Variants in XPO6 observed in about 807,000 individuals in gnomAD.
XPO6 encodes exportin-6.
Under a neutral mutation model 130.0 loss-of-function variants are expected in XPO6, and 3 were observed. The ratio of observed to expected loss-of-function variants is 0.02; its 90% CI spans 0.01 to 0.06. The LOEUF (loss-of-function observed/expected upper bound fraction) is 0.06. Ranked by LOEUF, XPO6 falls within the 10% of genes least tolerant of loss-of-function variation. The pLI, the probability that XPO6 is intolerant of heterozygous loss-of-function variation, is 1.00. For missense variants in XPO6, 970 were observed against 1,393.0 expected (o/e 0.70, Z 4.83); for synonymous variants, 524 against 548.9 (o/e 0.95, Z 0.63).
At chr16:28,193,507 A>C (rs1176223711) in intron 1 of XPO6, among the ~76,000 whole-genome samples, 1 of 152,134 alleles carries the variant, frequency 6.6e-6, no homozygotes, top group East Asian at 1.9e-4. Flanking sequence ...ACAATATAAA[A>C]AACTATATTG....
chr16:28,113,063 G>A lies in XPO6; in HGVS notation c.2005-13C>T. 1 of 1,612,400 alleles carries A rather than the reference G, an allele frequency of 6.2e-7. No homozygotes were observed. Among genetic ancestry groups the A allele is most frequent in the Non-Finnish European group, 8.5e-7 (1 of 1,178,982 alleles). On this transcript the variant is annotated splice_polypyrimidine_tract_variant and intron_variant, in intron 15 of 23. Coordinates refer to ENST00000304658, the MANE Select transcript of XPO6 (RefSeq NM_015171.4). ...GCTTGTCTTGGACCTGCAGAGGGAA[G>A]AGGGCACGTCAGCTCACCACATCCC...
At chr16:28,137,310 A>C (rs575303112) in intron 9 of XPO6, among the ~76,000 whole-genome samples, 210 of 152,346 alleles carry the variant, frequency 1.4e-3, no homozygotes, top group Non-Finnish European at 2.3e-3. Context: ...TTGTACTTCT[A>C]GCCTTAGGGG....
At chr16:28,112,114 C>T (rs957964885) in intron 16 of XPO6, 108 bp from the exon 17 acceptor site, 6 of 1,322,306 alleles carry the variant, frequency 4.5e-6, no homozygotes, top group African/African-American at 4.4e-5. Flanking sequence ...GGAACCCTAG[C>T]CCCCAGGCTC....
chr16:28,133,737 G>T, intron 11 of XPO6, 104 bp downstream of exon 11: 1 of 965,034 alleles, frequency 1.0e-6, no homozygotes, highest in South Asian at 1.6e-5. Flanking sequence ...AAATTACATA[G>T]AGGGGAAAGA....
chr16:28,150,082 G>A (rs2043058802), intron 8 of XPO6, among the ~76,000 whole-genome samples: 1 of 152,162 alleles, frequency 6.6e-6, no homozygotes. Flanking sequence ...AGGGCTGTCT[G>A]CCCTGGTTTA....
intron 14 of XPO6, among the ~76,000 whole-genome samples, chr16:28,119,317 C>T (rs1436065342): frequency 6.6e-5 from 10 of 152,038 alleles, no homozygotes; most frequent in Non-Finnish European, 1.5e-4. Context: ...GTGTGTCCAG[C>T]CTAGACACCA....
intron 1 of XPO6, among the ~76,000 whole-genome samples, chr16:28,190,223 A>ATTTT (rs753474910): frequency 2.2e-5 from 3 of 136,126 alleles, no homozygotes; most frequent in African/African-American, 8.4e-5. Flanking sequence ...TTCTTTCTTT[A>ATTTT]TTTTTTTTTT....
At chr16:28,174,993 A>C (rs1178923854) in intron 4 of XPO6, among the ~76,000 whole-genome samples, 3 of 152,154 alleles carry the variant, frequency 2.0e-5, no homozygotes, top group African/African-American at 7.2e-5. Context: ...CTAATGTCTC[A>C]TTAGTTATTA....
rs530987329 is a variant in XPO6 at position 28,159,666 on chromosome 16, C to T, written c.644-3139G>A. Among the ~76,000 whole-genome samples, 9 of 152,282 alleles carry T rather than the reference C, an allele frequency of 5.9e-5. No individual in the cohort carries two copies. The South Asian group carries it at 1.0e-3, about 18-fold the overall frequency. On this transcript the variant is annotated intron_variant, in intron 6 of 23. Coordinates refer to ENST00000304658, the MANE Select transcript of XPO6 (RefSeq NM_015171.4). Reference sequence around the variant, plus strand: ...CAGACGTAGGAATTAAGAGGGTGCGCTAGCTAACTTTCCCATCTTTCACAA... The same window carrying T: ...CAGACGTAGGAATTAAGAGGGTGCGTTAGCTAACTTTCCCATCTTTCACAA...
At chr16:28,183,031 T>C (rs557706193) in intron 1 of XPO6, among the ~76,000 whole-genome samples, 1 of 152,354 alleles carries the variant, frequency 6.6e-6, no homozygotes, top group African/African-American at 2.4e-5. Context: ...CTGCAAATCA[T>C]ATCTCTCCAT....
intron 9 of XPO6, among the ~76,000 whole-genome samples, chr16:28,136,822 AGTTAAGG>A (rs1179702508): frequency 6.6e-6 from 1 of 152,216 alleles, no homozygotes; most frequent in Non-Finnish European, 1.5e-5. Flanking sequence ...TTCTAAGATA[AGTTAAGG>A]GACTGCTCCC....
chr16:28,109,544 C>T (rs904672276), intron 17 of XPO6, among the ~76,000 whole-genome samples: 16 of 152,034 alleles, frequency 1.1e-4, no homozygotes, highest in African/African-American at 2.2e-4. Flanking sequence ...AGAGGAAATG[C>T]GAACACGAAC....
intron 3 of XPO6, 67 bp downstream of exon 3, chr16:28,177,153 T>A: frequency 9.5e-7 from 1 of 1,053,570 alleles, no homozygotes. Context: ...TCTAGTCTAG[T>A]GCTAATGATA....
intron 9 of XPO6, among the ~76,000 whole-genome samples, chr16:28,143,293 C>G (rs2042927673): frequency 1.3e-5 from 2 of 152,170 alleles, no homozygotes; most frequent in Admixed American, 1.3e-4. Context: ...AGTCTAAAGG[C>G]AGTAACATCT....
At chr16:28,136,715 C>A (rs1355719107) in intron 9 of XPO6, among the ~76,000 whole-genome samples, 3 of 152,194 alleles carry the variant, frequency 2.0e-5, no homozygotes, top group African/African-American at 7.2e-5. Flanking sequence ...TCAGAAGATA[C>A]CAAGTTATAA....
intron 4 of XPO6, 38 bp downstream of exon 4, chr16:28,175,860 C>T (rs200649604): frequency 1.9e-6 from 3 of 1,582,880 alleles, no homozygotes; most frequent in Non-Finnish European, 2.6e-6. Context: ...AACAAACAAA[C>T]TATTCACAAG....
At chr16:28,168,225 C>T (rs996640239) in intron 5 of XPO6, among the ~76,000 whole-genome samples, 4 of 152,098 alleles carry the variant, frequency 2.6e-5, no homozygotes, top group African/African-American at 9.7e-5. Flanking sequence ...TGGCTCATGC[C>T]TGTAACTTCA....
chr16:28,157,739 G>C (rs2043206396), intron 6 of XPO6, among the ~76,000 whole-genome samples: 1 of 152,296 alleles, frequency 6.6e-6, no homozygotes, highest in African/African-American at 2.4e-5. Flanking sequence ...AAATTAAAAG[G>C]AGTCTGAAAA....
chr16:28,209,715 A>G (rs761299006), intron 1 of XPO6, among the ~76,000 whole-genome samples: 7 of 152,100 alleles, frequency 4.6e-5, no homozygotes, highest in Non-Finnish European at 8.8e-5. Flanking sequence ...ATTAGCCACT[A>G]AATGTTATAC....
Sources: gnomAD v4.1 joint callset for allele counts (sites outside exome capture counted in the v4.1 genomes callset) on GRCh38, gnomAD v4.1.1 for gene constraint, MANE v1.5 for transcripts, NCBI Gene and HGNC (gene_info 2026-07-23, HGNC 2026-07-21) for gene names.